The following ARMC3 variants were observed in gnomAD, a reference collection of about 807,000 sequenced individuals.
The protein encoded by ARMC3 is armadillo repeat containing 3, also known as armadillo repeat-containing protein 3.
Under a neutral mutation model 90.3 loss-of-function variants are expected in ARMC3, and 74 were observed. The observed-to-expected ratio is 0.82, with a 90% CI of 0.68 to 0.99. The LOEUF (loss-of-function observed/expected upper bound fraction) is 0.99. Ranked by LOEUF, ARMC3 falls within the 50% of genes least tolerant of loss-of-function variation. ARMC3 has a pLI of 0.00. For missense variants in ARMC3, 958 were observed against 1,042.8 expected, an observed-to-expected ratio of 0.92 and a Z score of 1.12; for synonymous variants, 334 against 361.8, an observed-to-expected ratio of 0.92 and a Z score of 0.87.
chr10:22,934,586 G>A (rs1834044512), intron 2 of ARMC3, among the ~76,000 whole-genome samples: 1 of 152,206 alleles, frequency 6.6e-6, no homozygotes, highest in African/African-American at 2.4e-5. Flanking sequence ...GTGTCTAAGA[G>A]TACCGGTTCT....
intron 16 of ARMC3, among the ~76,000 whole-genome samples, chr10:23,023,008 A>G (rs1413450497): frequency 1.3e-5 from 2 of 152,058 alleles, no homozygotes; most frequent in Non-Finnish European, 2.9e-5. Context: ...CATGGCATTG[A>G]GGCTACCTTC....
chr10:23,008,300 T>G lies in ARMC3; in HGVS notation c.1854T>G (p.Asp618Glu). The change falls in exon 15 of 19, where the codon GAT (aspartate) becomes GAG (glutamate). Residue 618 changes from aspartate (D) to glutamate (E), a missense_variant. By Grantham distance (45) the Asp-to-Glu change is conservative (BLOSUM62 2). Transcript: ENST00000298032. ...GTTCTCCACCTTCATCTATGGAAGA[T>G]AAATCAGATGTTGGTTATGGACGAA... The part of the protein sequence containing the change: ...SYVSPPSSME[D>E]KSDVGYGRSI... 6.5e-7 allele frequency: 1 copy of G among 1,548,542 alleles called. No individual in the cohort carries two copies. The highest frequency in any genetic ancestry group is 1.4e-5 in the African/African-American group (1 of 72,784).
At chr10:22,929,641 G>A (rs747800665) in intron 1 of ARMC3, among the ~76,000 whole-genome samples, 2 of 152,230 alleles carry the variant, frequency 1.3e-5, no homozygotes, top group African/African-American at 4.8e-5. Flanking sequence ...TCCGCCTCCC[G>A]GCCTCAAGCA....
chr10:23,002,076 G>A (rs1317859918), intron 12 of ARMC3, 21 bp downstream of exon 12: 1 of 1,611,322 alleles, frequency 6.2e-7, no homozygotes, highest in South Asian at 1.1e-5. Flanking sequence ...GCCATCTCAA[G>A]TTTCTGGCTC....
chr10:23,003,333 C>A lies in ARMC3; in HGVS notation c.1650C>A (p.Asn550Lys). ...CAGCTTATAATAAGTTGCTCAATAACAATCTTTCCCTGAAATACAGCCAGA... is the reference window on the plus strand; with the variant it reads ...CAGCTTATAATAAGTTGCTCAATAAAAATCTTTCCCTGAAATACAGCCAGA... Reference protein sequence around the residue: ...SEAAYNKLLNNNLSLKYSQTG... With the variant: ...SEAAYNKLLNKNLSLKYSQTG... The change falls in exon 13 of 19, where the codon AAC (asparagine) becomes AAA (lysine). Residue 550 changes from asparagine (N) to lysine (K), a missense_variant. Coordinates refer to ENST00000298032, the MANE Select transcript of ARMC3 (RefSeq NM_173081.5). 6.2e-7 allele frequency: 1 copy of A among 1,613,406 alleles called. No homozygotes were observed. Among genetic ancestry groups the A allele is most frequent in the African/African-American group, 1.3e-5 (1 of 75,034 alleles).
intron 16 of ARMC3, 68 bp downstream of exon 16, chr10:23,008,999 A>C: frequency 1.5e-6 from 2 of 1,307,568 alleles, no homozygotes; most frequent in Non-Finnish European, 2.2e-6. Flanking sequence ...GCTCTTCAGT[A>C]GGAAGCTTTC....
At chr10:22,970,535 A>G (rs1835636352) in intron 8 of ARMC3, among the ~76,000 whole-genome samples, 1 of 152,230 alleles carries the variant, frequency 6.6e-6, no homozygotes, top group Non-Finnish European at 1.5e-5. Context: ...TTAAAGAAAG[A>G]GAACTCGTGT....
intron 17 of ARMC3, 114 bp downstream of exon 17, chr10:23,030,910 C>G: frequency 9.1e-7 from 1 of 1,104,330 alleles, no homozygotes; most frequent in South Asian, 1.8e-5. Context: ...GTTTACAGCA[C>G]TCTGACTCTG....
intron 2 of ARMC3, among the ~76,000 whole-genome samples, chr10:22,941,236 G>A (rs1476460252): frequency 6.6e-6 from 1 of 152,264 alleles, no homozygotes; most frequent in Admixed American, 6.5e-5. Flanking sequence ...GAATGTTGTG[G>A]GGCATGGAAA....
chr10:23,032,979 C>G lies in ARMC3; in HGVS notation c.2365C>G (p.His789Asp). 1 of 1,612,940 alleles carries G rather than the reference C, an allele frequency of 6.2e-7. No homozygotes were observed. The change falls in exon 18 of 19, where the codon CAT becomes GAT. Residue 789 changes from histidine to aspartate, a missense_variant. Physicochemically the swap from His to Asp is moderately conservative, Grantham distance 81 (BLOSUM62 -1). Coordinates refer to ENST00000298032, the MANE Select transcript of ARMC3 (RefSeq NM_173081.5). ...QLKSNVIPIG[H>D]VKKGIFYHRA... ...TAAATCCAATGTTATACCGATTGGACATGTCAAAAAAGGAATCTTCTACCA... is the reference window on the plus strand; with the variant it reads ...TAAATCCAATGTTATACCGATTGGAGATGTCAAAAAAGGAATCTTCTACCA...
intron 2 of ARMC3, among the ~76,000 whole-genome samples, chr10:22,939,507 C>T (rs1036631756): frequency 2.6e-5 from 4 of 152,226 alleles, no homozygotes; most frequent in East Asian, 1.9e-4. Flanking sequence ...AAAAGTCATG[C>T]GTTAATAGTC....
Position 23,008,379 on chromosome 10 carries a change from GA to G in ARMC3, c.1928+9del, listed in dbSNP as rs1319965688. On this transcript the variant is annotated splice_donor_region_variant and intron_variant, in intron 15 of 18. Transcript: ENST00000298032. ...ATCAAGTAAAGAAAAGAACAAGTAA[GA>G]AAATGATGTTTTATCTGTATGCAAA... 1.5e-6 allele frequency: 2 copies of G among 1,366,732 alleles called. No homozygotes were observed. The highest frequency in any genetic ancestry group is 2.1e-5 in the Admixed American group (1 of 47,464). The allele number at this position is 1,366,732 out of a possible 1,614,324, so 84.7% of individuals were successfully genotyped here. A position where few individuals can be genotyped will look rare whatever the true frequency, so the allele number is the denominator to read the frequency against.
intron 10 of ARMC3, among the ~76,000 whole-genome samples, chr10:22,994,386 C>T (rs1186332704): frequency 6.6e-6 from 1 of 152,134 alleles, no homozygotes; most frequent in Non-Finnish European, 1.5e-5. Flanking sequence ...TGTGTAAGGC[C>T]TTGGAGGCCA....
intron 3 of ARMC3, chr10:22,955,300 C>G (rs1179268172): frequency 2.0e-5 from 3 of 152,240 alleles, no homozygotes; most frequent in South Asian, 4.1e-4. Flanking sequence ...TCTAACAAAT[C>G]CACAAAAAAG....
intron 3 of ARMC3, among the ~76,000 whole-genome samples, chr10:22,950,094 TA>T (rs1170357346): frequency 5.6e-5 from 8 of 143,276 alleles, no homozygotes; most frequent in African/African-American, 7.9e-5. Context: ...TATAAAAAGC[TA>T]AAATAATTTA....
intron 8 of ARMC3, among the ~76,000 whole-genome samples, chr10:22,974,058 T>C (rs939609923): frequency 4.6e-5 from 7 of 152,164 alleles, no homozygotes; most frequent in African/African-American, 1.7e-4. Flanking sequence ...GCGGTCGGCC[T>C]TTCTCTTGTA....
intron 2 of ARMC3, among the ~76,000 whole-genome samples, chr10:22,943,467 A>G (rs1441164737): frequency 6.6e-6 from 1 of 151,950 alleles, no homozygotes; most frequent in Non-Finnish European, 1.5e-5. Context: ...ATTTTTTTCT[A>G]TTAATTTACA....
chr10:23,023,376 C>G (rs751523047), intron 16 of ARMC3, among the ~76,000 whole-genome samples: 1 of 152,136 alleles, frequency 6.6e-6, no homozygotes, highest in Admixed American at 6.5e-5. Context: ...AGACTGCTTG[C>G]TAAAATACAT....
chr10:23,025,124 A>C (rs1444724618), intron 16 of ARMC3, among the ~76,000 whole-genome samples: 1 of 152,150 alleles, frequency 6.6e-6, no homozygotes, highest in East Asian at 1.9e-4. Flanking sequence ...TAGCACTGAA[A>C]GGAGAATTTG....
Sources: gnomAD v4.1 joint callset for allele counts (sites outside exome capture counted in the v4.1 genomes callset) on GRCh38, gnomAD v4.1.1 for gene constraint, MANE v1.5 for transcripts, NCBI Gene and HGNC (gene_info 2026-07-23, HGNC 2026-07-21) for gene names.